The following STPG1 variants were observed in gnomAD, a reference collection of about 807,000 sequenced individuals.
The protein encoded by STPG1 is O(6)-methylguanine-induced apoptosis 2.
A neutral mutation model predicts 40.1 loss-of-function variants in STPG1; 33 were observed. The observed-to-expected ratio is 0.82, with a 90% confidence interval of 0.62 to 1.10. STPG1 has a LOEUF of 1.10. STPG1 is among the 50% of genes least tolerant of loss of function. STPG1 has a pLI of 0.00. For missense variants in STPG1, 396 were observed against 415.1 expected (o/e 0.95, Z 0.40); for synonymous variants, 150 against 155.0 (o/e 0.97, Z 0.24).
At chr1:24,363,541 G>C (rs781641452) in intron 7 of STPG1, among the ~76,000 whole-genome samples, 15 of 152,182 alleles carry the variant, frequency 9.9e-5, no homozygotes, top group Non-Finnish European at 1.3e-4. Flanking sequence ...CTTAGAAAAG[G>C]CTCTTAACCT....
Position 24,361,026 on chromosome 1 carries a change from C to A in STPG1, c.753G>T (p.Leu251=). Residue 251 remains leucine, a synonymous_variant, in exon 8 of 9, where the codon CTG becomes CTT. Transcript: ENST00000337248. ...KKTLFPKNPI[L]NFSAQPSPLP... The stretch of plus-strand genomic sequence containing the variant: ...GAGGCGAAGGCTGAGCAGAGAAGTT[C>A]AGGATGGGGTTTTTCCTTTGGGAAA... 1 of 1,609,150 alleles carries A rather than the reference C, an allele frequency of 6.2e-7. No individual in the cohort carries two copies. Among genetic ancestry groups the A allele is most frequent in the Non-Finnish European group, 8.5e-7 (1 of 1,177,766 alleles).
chr1:24,359,616 C>A lies in STPG1; in HGVS notation c.929-997G>T, dbSNP rs1640961323. 6.6e-6 allele frequency among the ~76,000 whole-genome samples: 1 copy of A among 152,158 alleles called. No homozygotes were observed. Among genetic ancestry groups the A allele is most frequent in the Non-Finnish European group, 1.5e-5 (1 of 68,024 alleles). On this transcript the variant is annotated intron_variant, in intron 8 of 8. Transcript: ENST00000337248. This position sits in a 1 kb window ranked among gnomAD's most constrained non-coding sequence, Gnocchi z 5.3. ...CGGCATCTCCCCACCTGACTGTGGC[C>A]TCTGGGGGCAAACCTGGGGCCCAGG...
In STPG1 at chr1:24,401,342, C is replaced by T; in HGVS notation, c.47G>A (p.Arg16Lys). The change falls in exon 2 of 9, where the codon AGA becomes AAA. Residue 16 changes from arginine (R) to lysine (K), a missense_variant. Transcript: ENST00000337248. The part of the protein sequence containing the change: ...QKNERTGKHP[R>K]RASEVQKGFT... ...ACCTTTCTGTACTTCACTGGCACGT[C>T]TGGGATGTTTGCCAGTGCGTTCATT... 6.2e-7 allele frequency: 1 copy of T among 1,614,112 alleles called. No homozygotes were observed. Among genetic ancestry groups the T allele is most frequent in the Non-Finnish European group, 8.5e-7 (1 of 1,179,976 alleles).
In STPG1 at chr1:24,359,225, C is replaced by T. The variant is rs955945736; in HGVS notation, c.929-606G>A. Among the ~76,000 whole-genome samples the T allele has an allele frequency of 5.3e-5, 8 of 152,234 alleles. No homozygotes were observed. The highest frequency in any genetic ancestry group is 1.7e-4 in the African/African-American group (7 of 41,460). On this transcript the variant is annotated intron_variant, in intron 8 of 8. Transcript: ENST00000337248. The surrounding 1 kb of genome is among the most constrained non-coding windows in gnomAD (Gnocchi z 5.3). Reference sequence around the variant, plus strand: ...ACGTGCACGTGCCCAGGAAACCCCTCGCAGAAGCCCACCTTGGCATGGGTG... The same window carrying T: ...ACGTGCACGTGCCCAGGAAACCCCTTGCAGAAGCCCACCTTGGCATGGGTG...
At position 24,360,885 on chromosome 1, in the gene STPG1, T is replaced by G; in HGVS notation, c.894A>C (p.Thr298=). The G allele has an allele frequency of 6.2e-7, 1 of 1,613,638 alleles. No homozygotes were observed. The highest frequency in any genetic ancestry group is 8.5e-7 in the Non-Finnish European group (1 of 1,179,808). Residue 298 remains threonine (T), a synonymous_variant, in exon 8 of 9, where the codon ACA becomes ACC. Transcript: ENST00000337248. ...ASFVSNTSRW[T]AAPPQPGLPG... ...GCAGGCCTGGCTGAGGCGGCGCCGC[T>G]GTCCACCGGCTGGTATTGGACACGA...
intron 4 of STPG1, among the ~76,000 whole-genome samples, chr1:24,382,992 G>A (rs1642356148): frequency 6.9e-6 from 1 of 144,924 alleles, no homozygotes; most frequent in Non-Finnish European, 1.5e-5. Context: ...GTTCACTGCA[G>A]CCTCAACCTC....
At chr1:24,360,711 TG>T in intron 8 of STPG1, 139 bp downstream of exon 8, 1 of 745,398 alleles carries the variant, frequency 1.3e-6, no homozygotes, top group Non-Finnish European at 2.1e-6. Flanking sequence ...AAATGTGAAC[TG>T]ATAATGCTTC....
intron 5 of STPG1, among the ~76,000 whole-genome samples, chr1:24,377,269 G>C (rs151245206): frequency 6.6e-6 from 1 of 152,034 alleles, no homozygotes; most frequent in East Asian, 1.9e-4. Context: ...AAAAGCATCA[G>C]ATCACACCAC....
chr1:24,391,274 T>A (rs1642759668), intron 3 of STPG1: 1 of 214,466 alleles, frequency 4.7e-6, no homozygotes, highest in African/African-American at 2.3e-5. Flanking sequence ...TTTAGCTTTA[T>A]GATGATTTTT....
At chr1:24,414,989 C>T (rs1258863282), upstream of STPG1, 6 of 152,292 alleles carry the variant, frequency 3.9e-5, no homozygotes, top group East Asian at 1.2e-3. Context: ...CTTTCTCTGC[C>T]CCACGATCTG....
chr1:24,363,548 A>G (rs1265708989), intron 7 of STPG1, among the ~76,000 whole-genome samples: 1 of 152,178 alleles, frequency 6.6e-6, no homozygotes, highest in African/African-American at 2.4e-5. Context: ...AAGGCTCTTA[A>G]CCTCCTTAAG....
chr1:24,362,314 C>G (rs1569967667), intron 7 of STPG1, among the ~76,000 whole-genome samples: 1 of 152,182 alleles, frequency 6.6e-6, no homozygotes, highest in Admixed American at 6.5e-5. Context: ...GTTATAGGCA[C>G]CTTTGTAGGA....
intron 3 of STPG1, among the ~76,000 whole-genome samples, chr1:24,387,795 G>T (rs186408455): frequency 2.4e-4 from 36 of 152,298 alleles, no homozygotes; most frequent in Admixed American, 9.1e-4. Context: ...GCTTCACAGA[G>T]CAGGGAGGCA....
intron 2 of STPG1, chr1:24,392,113 A>T: frequency 1.0e-6 from 1 of 988,170 alleles, no homozygotes; most frequent in East Asian, 1.1e-4. Context: ...CAAAGAGGTT[A>T]GGGAAATCCC....
At chr1:24,364,507 T>C (rs1641328133) in intron 7 of STPG1, 11 of 1,354,452 alleles carry the variant, frequency 8.1e-6, no homozygotes, top group Non-Finnish European at 1.1e-5. Flanking sequence ...TGGCTTTTAC[T>C]TGCCTAGCTC....
At chr1:24,358,660 G>A (rs767936084) in intron 8 of STPG1, 41 bp from the exon 9 acceptor site, 1 of 1,496,490 alleles carries the variant, frequency 6.7e-7, no homozygotes, top group Non-Finnish European at 9.3e-7. Context: ...AGAGAGAAAA[G>A]GCCCATTGCT....
At chr1:24,365,912 C>T (rs1248272538) in intron 7 of STPG1, among the ~76,000 whole-genome samples, 3 of 152,182 alleles carry the variant, frequency 2.0e-5, no homozygotes, top group South Asian at 4.1e-4. Context: ...CCCACGCTGC[C>T]TCCATGGCCT....
At chr1:24,380,254 G>A (rs532325393) in intron 4 of STPG1, among the ~76,000 whole-genome samples, 5 of 152,222 alleles carry the variant, frequency 3.3e-5, no homozygotes, top group African/African-American at 4.8e-5. Context: ...CCTAAGCAAC[G>A]AGTTTGCTTC....
intron 7 of STPG1, among the ~76,000 whole-genome samples, chr1:24,365,232 G>A (rs1031517374): frequency 1.2e-4 from 19 of 152,198 alleles, no homozygotes; most frequent in African/African-American, 4.6e-4. Flanking sequence ...TTCAGCTCTA[G>A]CTGTGACAAG....
Sources: allele counts gnomAD v4.1 joint callset (sites outside exome capture counted in the v4.1 genomes callset), GRCh38; gene constraint gnomAD v4.1.1; non-coding constraint Gnocchi (gnomAD v3.1); transcripts MANE v1.5; gene names NCBI Gene and HGNC (gene_info 2026-07-23, HGNC 2026-07-21).